TIMP2: variants seen among roughly 807,000 people sequenced by gnomAD.
TIMP2 encodes metalloproteinase inhibitor 2.
TIMP2 carries 5 observed loss-of-function variants against 24.3 expected under a neutral mutation model. That is an observed-to-expected ratio of 0.21 (90% CI 0.11 to 0.43). The LOEUF (loss-of-function observed/expected upper bound fraction) is 0.43, where lower values mean the gene tolerates loss of function less well. TIMP2 is among the 20% of genes least tolerant of loss of function. The pLI is 1.00. For missense variants in TIMP2, 221 were observed against 297.5 expected (o/e 0.74, Z 1.89); for synonymous variants, 130 against 123.2 (o/e 1.06, Z -0.37).
chr17:78,920,695 T>C lies in TIMP2; in HGVS notation c.130+4264A>G, dbSNP rs2145798173. On this transcript the variant is annotated intron_variant, in intron 1 of 4. Transcript: ENST00000262768. This position sits in a 1 kb window ranked among gnomAD's most constrained non-coding sequence, Gnocchi z 4.5. Reference sequence around the variant, plus strand: ...GCATTTCACATTGTCACATGATTACTCCTGAATTTTGGTTATTTCGAAAGT... The same window carrying C: ...GCATTTCACATTGTCACATGATTACCCCTGAATTTTGGTTATTTCGAAAGT... 6.6e-6 allele frequency among the ~76,000 whole-genome samples: 1 copy of C among 152,332 alleles called. No homozygotes were observed. The highest frequency in any genetic ancestry group is 6.5e-5 in the Admixed American group (1 of 15,306).
chr17:78,864,980 G>A (rs1166849281), intron 3 of TIMP2, among the ~76,000 whole-genome samples: 1 of 152,112 alleles, frequency 6.6e-6, no homozygotes, highest in Non-Finnish European at 1.5e-5. Context: ...CTTGAACCTG[G>A]GGGGCGGAAG....
intron 3 of TIMP2, among the ~76,000 whole-genome samples, chr17:78,860,723 A>G (rs1277223468): frequency 6.6e-6 from 1 of 152,164 alleles, no homozygotes; most frequent in Non-Finnish European, 1.5e-5. Flanking sequence ...CATAAGGTAA[A>G]TGTTTGGGTG....
chr17:78,893,592 TATGC>T (rs1568001381), intron 1 of TIMP2, among the ~76,000 whole-genome samples: 1 of 151,996 alleles, frequency 6.6e-6, no homozygotes, highest in African/African-American at 2.4e-5. Flanking sequence ...TGTGTGTATG[TATGC>T]ATGTCTGTGT....
rs1016977729 is a variant in TIMP2 at position 78,855,184 on chromosome 17, T to C, written c.*483A>G. 2.4e-5 allele frequency: 4 copies of C among 168,786 alleles called. No homozygotes were observed. Among genetic ancestry groups the C allele is most frequent in the Admixed American group, 5.6e-5 (1 of 17,936 alleles). 10.5% of individuals were successfully genotyped at this position (168,786 alleles called of 1,614,324 possible). A position where few individuals can be genotyped will look rare whatever the true frequency, so the allele number is the denominator to read the frequency against. On this transcript the variant is annotated 3_prime_UTR_variant, in exon 5 of 5. Coordinates refer to ENST00000262768, the MANE Select transcript of TIMP2 (RefSeq NM_003255.5). This position sits in a 1 kb window ranked among gnomAD's most constrained non-coding sequence, Gnocchi z 6.0. ...GGGAGCACTTGCCAGGGGCAGGGAG[T>C]GCAGAGGCGTGGAAGCTGCAGAAAA...
chr17:78,860,371 C>T (rs1338153797), intron 3 of TIMP2, among the ~76,000 whole-genome samples: 1 of 152,184 alleles, frequency 6.6e-6, no homozygotes, highest in Non-Finnish European at 1.5e-5. Context: ...GCGCATCTGA[C>T]TTAATGATCT....
At chr17:78,887,537 G>A (rs2069835290) in intron 1 of TIMP2, among the ~76,000 whole-genome samples, 1 of 151,992 alleles carries the variant, frequency 6.6e-6, no homozygotes, top group Non-Finnish European at 1.5e-5. Flanking sequence ...AGTGCGCGCC[G>A]CCACGCCCGG....
At chr17:78,880,196 G>A (rs1449714954) in intron 1 of TIMP2, among the ~76,000 whole-genome samples, 6 of 152,160 alleles carry the variant, frequency 3.9e-5, no homozygotes, top group African/African-American at 7.2e-5. Context: ...TCTGTGGCAC[G>A]GTCCTCCCTT....
intron 1 of TIMP2, chr17:78,892,618 C>T: frequency 8.9e-7 from 1 of 1,128,204 alleles, no homozygotes; most frequent in Non-Finnish European, 1.2e-6. Flanking sequence ...CCACTCTCAG[C>T]CTCCCAATTT....
Position 78,896,548 on chromosome 17 carries a change from T to C in TIMP2, c.131-22629A>G, listed in dbSNP as rs573851770. On this transcript the variant is annotated intron_variant, in intron 1 of 4. Coordinates refer to ENST00000262768, the MANE Select transcript of TIMP2 (RefSeq NM_003255.5). The surrounding 1 kb of genome is among the most constrained non-coding windows in gnomAD (Gnocchi z 4.4). The stretch of plus-strand genomic sequence containing the variant: ...AGGGGCAGGGGTCCTGGCGCTCCTC[T>C]GTCCTCCACATCCTCTGAGTGTTCT... 2.0e-5 allele frequency among the ~76,000 whole-genome samples: 3 copies of C among 152,284 alleles called. No homozygotes were observed. In the East Asian group the frequency reaches 5.8e-4, roughly 29 times the overall value.
In TIMP2 at chr17:78,891,329, C is replaced by A. The variant is rs1192194356; in HGVS notation, c.131-17410G>T. 7.1e-6 allele frequency: 11 copies of A among 1,550,124 alleles called. No homozygotes were observed. The highest frequency in any genetic ancestry group is 9.6e-6 in the Non-Finnish European group (11 of 1,146,900). On this transcript the variant is annotated intron_variant, in intron 1 of 4. Coordinates refer to ENST00000262768, the MANE Select transcript of TIMP2 (RefSeq NM_003255.5). The surrounding 1 kb of genome is among the most constrained non-coding windows in gnomAD (Gnocchi z 4.5). Reference sequence around the variant, plus strand: ...CATCTCTGGGTCTGCCATTTTCTTCCCTCTTGGGGTCCCAGCGCCACACTC... The same window carrying A: ...CATCTCTGGGTCTGCCATTTTCTTCACTCTTGGGGTCCCAGCGCCACACTC...
intron 3 of TIMP2, among the ~76,000 whole-genome samples, chr17:78,869,378 G>T (rs111728387): frequency 6.7e-6 from 1 of 148,948 alleles, no homozygotes; most frequent in Non-Finnish European, 1.5e-5. Flanking sequence ...AGTCATGATC[G>T]CACTCCAGCC....
intron 1 of TIMP2, chr17:78,898,742 CTTTT>C (rs1392015030): frequency 6.6e-6 from 1 of 152,050 alleles, no homozygotes; most frequent in Non-Finnish European, 1.5e-5. Flanking sequence ...TTTTTCTTTT[CTTTT>C]TTCTTTTTTG....
At chr17:78,913,927 T>C (rs1197935568) in intron 1 of TIMP2, among the ~76,000 whole-genome samples, 3 of 148,490 alleles carry the variant, frequency 2.0e-5, no homozygotes. Flanking sequence ...TTCTAGGCAA[T>C]GGATACAATC....
chr17:78,892,985 G>A (rs1161667606), intron 1 of TIMP2, among the ~76,000 whole-genome samples: 2 of 152,288 alleles, frequency 1.3e-5, no homozygotes, highest in Non-Finnish European at 1.5e-5. Flanking sequence ...GAGGAAGTCT[G>A]GGCCTCTGGA....
In TIMP2 at chr17:78,894,540, A is replaced by T. The variant is rs541916073; in HGVS notation, c.131-20621T>A. ...TTTGACAAAGGTGCCACGGCAATTT[A>T]ATGTGGGGAAAGAATAGTTTTTTTG... On this transcript the variant is annotated intron_variant, in intron 1 of 4. Transcript: ENST00000262768. 7.2e-5 allele frequency among the ~76,000 whole-genome samples: 11 copies of T among 152,290 alleles called. No homozygotes were observed. In the South Asian group the frequency reaches 1.5e-3, roughly 20 times the overall value.
rs1480101018 is a variant in TIMP2, at chr17:78,924,504, C to G, written c.130+455G>C. Among the ~76,000 whole-genome samples the G allele has an allele frequency of 6.6e-6, 1 of 152,202 alleles. No individual in the cohort carries two copies. Among genetic ancestry groups the G allele is most frequent in the Non-Finnish European group, 1.5e-5 (1 of 68,026 alleles). ...ATGGGGCTGGTGGGAGAAGCCCCAG[C>G]AGAGAAGCCCTTCCCCACCCAGCCC... On this transcript the variant is annotated intron_variant, in intron 1 of 4. Coordinates refer to ENST00000262768, the MANE Select transcript of TIMP2 (RefSeq NM_003255.5). The surrounding 1 kb of genome is among the most constrained non-coding windows in gnomAD (Gnocchi z 5.3).
chr17:78,890,166 G>A (rs969149429), intron 1 of TIMP2, among the ~76,000 whole-genome samples: 28 of 151,640 alleles, frequency 1.8e-4, no homozygotes, highest in Non-Finnish European at 2.5e-4. Flanking sequence ...GTCCCTGTGA[G>A]GGAATGTGCC....
chr17:78,890,536 G>C, intron 1 of TIMP2: 5 of 1,319,606 alleles, frequency 3.8e-6, no homozygotes, highest in Non-Finnish European at 5.1e-6. Flanking sequence ...AGGCCTAATA[G>C]TCTCTGAGGC....
intron 1 of TIMP2, among the ~76,000 whole-genome samples, chr17:78,908,051 C>A (rs1477777376): frequency 6.6e-6 from 1 of 152,156 alleles, no homozygotes; most frequent in Non-Finnish European, 1.5e-5. Context: ...GGGAGGATTG[C>A]TTCAGCCCAG....
Sources: allele counts gnomAD v4.1 joint callset (sites outside exome capture counted in the v4.1 genomes callset), GRCh38; gene constraint gnomAD v4.1.1; non-coding constraint Gnocchi (gnomAD v3.1); transcripts MANE v1.5; gene names NCBI Gene and HGNC (gene_info 2026-07-23, HGNC 2026-07-21).